The following CCSER1 variants were observed in gnomAD, a reference collection of about 807,000 sequenced individuals.
The protein encoded by CCSER1 is serine-rich coiled-coil domain-containing protein 1.
Under a neutral mutation model 82.0 loss-of-function variants are expected in CCSER1, and 41 were observed. The observed-to-expected ratio is 0.50, with a 90% CI of 0.39 to 0.65. CCSER1 has a LOEUF of 0.65. Among genes scored for constraint, CCSER1 ranks in the 30% least tolerant of loss-of-function variants. The pLI is 0.00. For synonymous variants in CCSER1, 414 were observed against 383.9 expected (o/e 1.08, Z -0.92); for missense variants, 1,119 against 1,064.2 (o/e 1.05, Z -0.72).
chr4:90,383,869 C>G (rs1468191930), intron 3 of CCSER1, among the ~76,000 whole-genome samples: 1 of 151,934 alleles, frequency 6.6e-6, no homozygotes, highest in African/African-American at 2.4e-5. Flanking sequence ...GTAGCTAGGA[C>G]TACAGGCCTG....
At chr4:90,732,269 A>T (rs1477000384) in intron 7 of CCSER1, among the ~76,000 whole-genome samples, 1 of 152,060 alleles carries the variant, frequency 6.6e-6, no homozygotes, top group Non-Finnish European at 1.5e-5. Flanking sequence ...TCACCTCCAC[A>T]TTGTTCTATT....
intron 5 of CCSER1, among the ~76,000 whole-genome samples, chr4:90,612,785 A>T (rs768798973): frequency 7.9e-5 from 12 of 152,116 alleles, no homozygotes; most frequent in Non-Finnish European, 1.6e-4. Flanking sequence ...TTCCTTTTGG[A>T]TAATACGTAC....
chr4:91,375,952 T>A (rs1220322386), intron 10 of CCSER1, among the ~76,000 whole-genome samples: 1 of 151,922 alleles, frequency 6.6e-6, no homozygotes, highest in East Asian at 1.9e-4. Context: ...CAGAATAAAT[T>A]CCAAACAAAT....
intron 3 of CCSER1, among the ~76,000 whole-genome samples, chr4:90,393,813 A>T (rs1260390843): frequency 8.4e-6 from 1 of 119,198 alleles, no homozygotes; most frequent in African/African-American, 3.4e-5. Context: ...ACCTTGCTCC[A>T]TCGCCCATGC....
chr4:90,565,291 GT>G (rs1779230960), intron 5 of CCSER1, among the ~76,000 whole-genome samples: 1 of 103,214 alleles, frequency 9.7e-6, no homozygotes, highest in Non-Finnish European at 1.7e-5. Context: ...AAATGAGATT[GT>G]TTTCTTATTT....
At chr4:90,440,102 C>T (rs1759646394) in intron 4 of CCSER1, among the ~76,000 whole-genome samples, 1 of 152,002 alleles carries the variant, frequency 6.6e-6, no homozygotes, top group South Asian at 2.1e-4. Context: ...CTCCTGGGCT[C>T]AAGTAATCAT....
At chr4:91,090,311 C>T (rs971339968) in intron 10 of CCSER1, among the ~76,000 whole-genome samples, 1 of 152,140 alleles carries the variant, frequency 6.6e-6, no homozygotes, top group Non-Finnish European at 1.5e-5. Flanking sequence ...AGCATAGGCT[C>T]TATGTCCACA....
chr4:90,163,622 A>G (rs1448434209), intron 1 of CCSER1, among the ~76,000 whole-genome samples: 1 of 152,106 alleles, frequency 6.6e-6, no homozygotes, highest in East Asian at 1.9e-4. Context: ...AATTTAATTC[A>G]CAACAATGAC....
chr4:90,277,857 T>G (rs1728118000), intron 1 of CCSER1, among the ~76,000 whole-genome samples: 1 of 152,118 alleles, frequency 6.6e-6, no homozygotes, highest in African/African-American at 2.4e-5. Flanking sequence ...GTAAAGAGCT[T>G]CTGCACAGCA....
At chr4:90,887,676 G>C (rs1435046278) in intron 8 of CCSER1, among the ~76,000 whole-genome samples, 1 of 152,144 alleles carries the variant, frequency 6.6e-6, no homozygotes, top group African/African-American at 2.4e-5. Flanking sequence ...GAGGTCAAGA[G>C]CTCAAGAGCA....
intron 5 of CCSER1, among the ~76,000 whole-genome samples, chr4:90,494,356 C>G (rs149427318): frequency 3.9e-5 from 6 of 152,074 alleles, no homozygotes; most frequent in Admixed American, 2.6e-4. Flanking sequence ...GACAGATCCA[C>G]GAGACAGAAA....
At chr4:90,185,905 A>T (rs1382131247) in intron 1 of CCSER1, among the ~76,000 whole-genome samples, 1 of 152,080 alleles carries the variant, frequency 6.6e-6, no homozygotes, top group Non-Finnish European at 1.5e-5. Flanking sequence ...TCTAACACAG[A>T]TAACATGGTA....
chr4:91,039,041 A>G (rs1478669066), intron 9 of CCSER1, among the ~76,000 whole-genome samples: 1 of 151,988 alleles, frequency 6.6e-6, no homozygotes, highest in African/African-American at 2.4e-5. Context: ...TGAATTTTTT[A>G]TCTTTTAAAA....
chr4:90,801,246 C>G (rs532951933), intron 7 of CCSER1, among the ~76,000 whole-genome samples: 3 of 152,028 alleles, frequency 2.0e-5, no homozygotes, highest in Non-Finnish European at 4.4e-5. Context: ...ATATGTTTTT[C>G]TTTTATTTCA....
chr4:90,318,171 A>T (rs974100449), intron 3 of CCSER1, among the ~76,000 whole-genome samples: 1 of 152,196 alleles, frequency 6.6e-6, no homozygotes, highest in African/African-American at 2.4e-5. Flanking sequence ...TAACTGAAGA[A>T]TTCATATATA....
chr4:91,143,780 T>C (rs146530119), intron 10 of CCSER1, among the ~76,000 whole-genome samples: 79 of 152,240 alleles, frequency 5.2e-4, no homozygotes, highest in African/African-American at 1.8e-3. Flanking sequence ...ATCACACTTA[T>C]TGATTTGTGC....
intron 10 of CCSER1, among the ~76,000 whole-genome samples, chr4:91,404,559 G>A (rs1488310759): frequency 6.6e-6 from 1 of 152,150 alleles, no homozygotes; most frequent in African/African-American, 2.4e-5. Flanking sequence ...TCTACACACT[G>A]CTTTAAATGT....
intron 10 of CCSER1, among the ~76,000 whole-genome samples, chr4:91,178,329 G>A (rs1733627027): frequency 6.6e-6 from 1 of 152,064 alleles, no homozygotes; most frequent in South Asian, 2.1e-4. Context: ...TATTAGGTCT[G>A]CTTGGTGCAG....
chr4:90,480,633 G>A (rs1765794936), intron 5 of CCSER1, among the ~76,000 whole-genome samples: 1 of 152,132 alleles, frequency 6.6e-6, no homozygotes, highest in Non-Finnish European at 1.5e-5. Context: ...ATTGAATAGG[G>A]AATCCTTTCC....
Sources: gnomAD v4.1 joint callset for allele counts (sites outside exome capture counted in the v4.1 genomes callset) on GRCh38, gnomAD v4.1.1 for gene constraint, MANE v1.5 for transcripts, NCBI Gene and HGNC (gene_info 2026-07-23, HGNC 2026-07-21) for gene names.